Variants in INHBC observed in about 807,000 individuals in gnomAD.
The protein encoded by INHBC is inhibin subunit beta C, also known as inhibin beta C chain.
Under a neutral mutation model 12.4 loss-of-function variants are expected in INHBC, and 10 were observed. That is an observed-to-expected ratio of 0.81 (90% CI 0.50 to 1.37). The LOEUF (loss-of-function observed/expected upper bound fraction) is 1.37. Among genes scored for constraint, INHBC ranks in the 40% most tolerant of loss-of-function variants. INHBC has a pLI of 0.00. For synonymous variants in INHBC, 147 were observed against 171.6 expected (o/e 0.86, Z 1.12); for missense variants, 382 against 439.4 (o/e 0.87, Z 1.17).
chr12:57,442,646 C>A (rs552335338), intron 1 of INHBC, among the ~76,000 whole-genome samples: 1 of 152,172 alleles, frequency 6.6e-6, no homozygotes, highest in Admixed American at 6.6e-5. Flanking sequence ...ACTGACTTAT[C>A]TAGAGAGAGA....
At position 57,435,459 on chromosome 12, in the gene INHBC, G is replaced by A. The variant is rs555251866; in HGVS notation, c.313+260G>A. ...GAGATTGGCTGCCGTCATCTCCTCC[G>A]GCTCCTCTCTCTGCAGGCCCCACAA... On this transcript the variant is annotated intron_variant, in intron 1 of 1. Coordinates refer to ENST00000309668, the MANE Select transcript of INHBC (RefSeq NM_005538.4). 1.2e-4 allele frequency among the ~76,000 whole-genome samples: 18 copies of A among 152,176 alleles called. No homozygotes were observed. In the East Asian group the frequency reaches 2.1e-3, roughly 18 times the overall value.
chr12:57,443,974 A>G (rs1363399716), intron 1 of INHBC, among the ~76,000 whole-genome samples: 1 of 151,838 alleles, frequency 6.6e-6, no homozygotes, highest in African/African-American at 2.4e-5. Context: ...TGTTTAGTAG[A>G]AATGGGGTTT....
At chr12:57,439,207 CAG>C (rs565968710) in intron 1 of INHBC, among the ~76,000 whole-genome samples, 32 of 152,286 alleles carry the variant, frequency 2.1e-4, no homozygotes, top group Admixed American at 1.2e-3. Flanking sequence ...AATGCTGAGA[CAG>C]GGACAGGATA....
chr12:57,448,874 T>G (rs750686708), intron 1 of INHBC, among the ~76,000 whole-genome samples: 7 of 152,176 alleles, frequency 4.6e-5, no homozygotes, highest in Admixed American at 2.6e-4. Context: ...AGCAGAAATA[T>G]ATTAACTCAT....
intron 1 of INHBC, among the ~76,000 whole-genome samples, chr12:57,438,329 G>A (rs894444819): frequency 1.3e-5 from 2 of 152,280 alleles, no homozygotes; most frequent in East Asian, 3.9e-4. Flanking sequence ...AAAGGGACAA[G>A]GCAAATCTCT....
chr12:57,437,397 C>T (rs1397036640), intron 1 of INHBC, among the ~76,000 whole-genome samples: 2 of 152,132 alleles, frequency 1.3e-5, no homozygotes, highest in East Asian at 1.9e-4. Context: ...AGGCCGGGCG[C>T]GGTGGCTCAC....
chr12:57,447,387 G>C (rs984519090), intron 1 of INHBC, among the ~76,000 whole-genome samples: 3 of 151,118 alleles, frequency 2.0e-5, no homozygotes, highest in Non-Finnish European at 4.4e-5. Flanking sequence ...GTTTCACCAT[G>C]TTGGCCAGGC....
Position 57,451,054 on chromosome 12 carries a change from C to G in INHBC, c.*1032C>G, listed in dbSNP as rs1034835383. The stretch of plus-strand genomic sequence containing the variant: ...AGAGCCTGCCTGCTTATGCTGTAGT[C>G]TGCCTACTCTGCTGTCTCTTCACAT... On this transcript the variant is annotated 3_prime_UTR_variant, in exon 2 of 2. Transcript: ENST00000309668. Among the ~76,000 whole-genome samples the G allele has an allele frequency of 6.6e-6, 1 of 152,248 alleles. No individual in the cohort carries two copies. Among genetic ancestry groups the G allele is most frequent in the African/African-American group, 2.4e-5 (1 of 41,466 alleles).
At chr12:57,445,086 A>G (rs1271880380) in intron 1 of INHBC, among the ~76,000 whole-genome samples, 1 of 152,232 alleles carries the variant, frequency 6.6e-6, no homozygotes, top group Non-Finnish European at 1.5e-5. Context: ...GATCTTGGAA[A>G]GACATTCCAG....
In INHBC at chr12:57,434,901, G is replaced by A. The variant is rs368384312; in HGVS notation, c.15G>A (p.Leu5=). 1 of 1,612,232 alleles carries A rather than the reference G, an allele frequency of 6.2e-7. No individual in the cohort carries two copies. The highest frequency in any genetic ancestry group is 1.3e-5 in the African/African-American group (1 of 74,852). The change falls in exon 1 of 2, where the codon TTG becomes TTA. Residue 5 remains leucine (L), a synonymous_variant. Coordinates refer to ENST00000309668, the MANE Select transcript of INHBC (RefSeq NM_005538.4). MTSS[L]LLAFLLLAPT... is the part of the protein sequence containing the mutation. ...CTTCCCCAGCAATGACCTCCTCATT[G>A]CTTCTGGCCTTTCTCCTCCTGGCTC... is the stretch of plus-strand genomic sequence containing the variant.
At chr12:57,447,465 G>A (rs1371182204) in intron 1 of INHBC, among the ~76,000 whole-genome samples, 3 of 151,742 alleles carry the variant, frequency 2.0e-5, no homozygotes, top group Non-Finnish European at 4.4e-5. Flanking sequence ...GATTACAGAC[G>A]TGAGCCACCA....
At chr12:57,439,250 G>A (rs1594726572) in intron 1 of INHBC, among the ~76,000 whole-genome samples, 1 of 152,164 alleles carries the variant, frequency 6.6e-6, no homozygotes, top group East Asian at 1.9e-4. Flanking sequence ...TCAAAATGGG[G>A]TATGGGAGAA....
intron 1 of INHBC, among the ~76,000 whole-genome samples, chr12:57,436,691 G>A (rs1217953582): frequency 6.7e-6 from 1 of 150,184 alleles, no homozygotes; most frequent in African/African-American, 2.5e-5. Context: ...TTTTGAAATG[G>A]AGTCTCGCTT....
rs899158746 is a variant in INHBC, at chr12:57,451,016, C to G, written c.*994C>G. ...TCTCCTACAAGGGCCCTAACTGGCA[C>G]CCCAGATGACACAGAGCCTGCCTGC... is the stretch of plus-strand genomic sequence containing the variant. On this transcript the variant is annotated 3_prime_UTR_variant, in exon 2 of 2. Coordinates refer to ENST00000309668, the MANE Select transcript of INHBC (RefSeq NM_005538.4). 2.0e-5 allele frequency among the ~76,000 whole-genome samples: 3 copies of G among 152,186 alleles called. No homozygotes were observed. The highest frequency in any genetic ancestry group is 7.2e-5 in the African/African-American group (3 of 41,442).
At chr12:57,435,949 G>C (rs908396071) in intron 1 of INHBC, among the ~76,000 whole-genome samples, 33 of 149,834 alleles carry the variant, frequency 2.2e-4, no homozygotes, top group African/African-American at 7.9e-4. Context: ...TGAGTTCAAG[G>C]AATTCTCCTG....
At position 57,449,962 on chromosome 12, in the gene INHBC, C is replaced by A; in HGVS notation, c.999C>A (p.Asp333Glu). ...TGTCTCTGCTCTATTATGACAGGGA[C>A]AGCAACATTGTCAAGACTGACATAC... ...RPLSLLYYDRDSNIVKTDIPD... is the reference protein window; with the variant it reads ...RPLSLLYYDRESNIVKTDIPD... Residue 333 changes from aspartate (D) to glutamate (E), a missense_variant, in exon 2 of 2, where the codon GAC (aspartate) becomes GAA (glutamate). Coordinates refer to ENST00000309668, the MANE Select transcript of INHBC (RefSeq NM_005538.4). 6.4e-7 allele frequency: 1 copy of A among 1,551,658 alleles called. No homozygotes were observed. Among genetic ancestry groups the A allele is most frequent in the Non-Finnish European group, 8.7e-7 (1 of 1,147,464 alleles).
Position 57,449,526 on chromosome 12 carries a change from C to G in INHBC, c.563C>G (p.Ala188Gly). ...CTCCCCCTAGGGCCTGAAGCTCAAG[C>G]TGCCTGCAGCCAGGGGCACCTGACC... Reference protein sequence around the residue: ...HQLPLGPEAQAACSQGHLTLE... With the variant: ...HQLPLGPEAQGACSQGHLTLE... Residue 188 changes from alanine to glycine, a missense_variant, in exon 2 of 2, where the codon GCT becomes GGT. Transcript: ENST00000309668. 1 of 1,614,040 alleles carries G rather than the reference C, an allele frequency of 6.2e-7. No homozygotes were observed. Among genetic ancestry groups the G allele is most frequent in the Non-Finnish European group, 8.5e-7 (1 of 1,179,864 alleles).
chr12:57,450,244 A>C lies in INHBC; in HGVS notation c.*222A>C, dbSNP rs1273625872. On this transcript the variant is annotated 3_prime_UTR_variant, in exon 2 of 2. Transcript: ENST00000309668. ...ACCACTACCCTCTTTCCTAGGGCAT[A>C]GTCCATCCCGCTAGTCCATCCCGCT... is the stretch of plus-strand genomic sequence containing the variant. The C allele has an allele frequency of 4.5e-6, 2 of 444,472 alleles. No individual in the cohort carries two copies. The highest frequency in any genetic ancestry group is 7.8e-6 in the Non-Finnish European group (2 of 256,518). The allele number at this position is 444,472 out of a possible 1,614,324, so 27.5% of individuals were successfully genotyped here. A position where few individuals can be genotyped will look rare whatever the true frequency, so the allele number is the denominator to read the frequency against.
chr12:57,435,227 C>T (rs1048675550), intron 1 of INHBC, 28 bp downstream of exon 1: 4 of 1,575,976 alleles, frequency 2.5e-6, no homozygotes, highest in Non-Finnish European at 3.5e-6. Flanking sequence ...AGCTCTTCCC[C>T]AGAACTTGAC....
Sources: gnomAD v4.1 joint callset for allele counts (sites outside exome capture counted in the v4.1 genomes callset) on GRCh38, gnomAD v4.1.1 for gene constraint, MANE v1.5 for transcripts, NCBI Gene and HGNC (gene_info 2026-07-23, HGNC 2026-07-21) for gene names.